Variants in MOK observed in about 807,000 individuals in gnomAD.
The protein encoded by MOK is MOK protein kinase.
Under a neutral mutation model 54.2 loss-of-function variants are expected in MOK, and 59 were observed. The ratio of observed to expected loss-of-function variants is 1.09; its 90% CI spans 0.88 to 1.35. The LOEUF is 1.35. Ranked by LOEUF, MOK falls within the 40% of genes most tolerant of loss-of-function variation. The probability of loss-of-function intolerance (pLI) is 0.00; values close to 1 mark genes in which losing one functional copy is unlikely to be tolerated. For synonymous variants in MOK, 210 were observed against 202.7 expected, an observed-to-expected ratio of 1.04 and a Z score of -0.31; for missense variants, 517 against 526.2, an observed-to-expected ratio of 0.98 and a Z score of 0.17.
At chr14:102,216,312 G>A in the MOK span, among the ~76,000 whole-genome samples, 5 of 152,186 alleles carry the variant, frequency 3.3e-5, no homozygotes, top group African/African-American at 7.2e-5. Flanking sequence ...TGAACAGGGC[G>A]TTTTGGTTTG....
chr14:102,295,605 G>A (rs1199135450), intron 1 of MOK, among the ~76,000 whole-genome samples: 1 of 152,264 alleles, frequency 6.6e-6, no homozygotes, highest in South Asian at 2.1e-4. Flanking sequence ...CATTCTCTTC[G>A]AGAGATTAAA....
At chr14:102,262,566 T>C (rs2067569817) in intron 4 of MOK, among the ~76,000 whole-genome samples, 1 of 152,264 alleles carries the variant, frequency 6.6e-6, no homozygotes, top group South Asian at 2.1e-4. Context: ...AAAATAAATA[T>C]TGATATAATG....
At chr14:102,283,345 CCTCA>C (rs1373660049) in intron 2 of MOK, 129 bp downstream of exon 2, 3 of 589,676 alleles carry the variant, frequency 5.1e-6, no homozygotes, top group Non-Finnish European at 8.9e-6. Context: ...AGCATATAAC[CCTCA>C]CTGCCCAAAG....
At chr14:102,285,654 G>A (rs1325986940) in intron 1 of MOK, among the ~76,000 whole-genome samples, 1 of 152,168 alleles carries the variant, frequency 6.6e-6, no homozygotes, top group Non-Finnish European at 1.5e-5. Flanking sequence ...CACTTTGGGA[G>A]ACCCAGGTCG....
chr14:102,289,184 C>T (rs1478457312), intron 1 of MOK, among the ~76,000 whole-genome samples: 1 of 151,902 alleles, frequency 6.6e-6, no homozygotes, highest in Non-Finnish European at 1.5e-5. Flanking sequence ...GGATTACAGG[C>T]ACGAGCCACT....
chr14:102,273,159 A>G (rs1309005143), intron 2 of MOK, among the ~76,000 whole-genome samples: 3 of 151,806 alleles, frequency 2.0e-5, no homozygotes, highest in African/African-American at 7.3e-5. Context: ...AACAGAGCAA[A>G]ACTCCGTCTC....
intron 2 of MOK, among the ~76,000 whole-genome samples, chr14:102,278,186 G>A (rs2069064146): frequency 6.6e-6 from 1 of 152,194 alleles, no homozygotes; most frequent in Non-Finnish European, 1.5e-5. Flanking sequence ...CTCCAGAACT[G>A]TAAGAAATAA....
chr14:102,244,797 G>A (rs918164901), intron 7 of MOK, among the ~76,000 whole-genome samples: 5 of 152,100 alleles, frequency 3.3e-5, no homozygotes, highest in African/African-American at 1.2e-4. Flanking sequence ...ATAACGGACT[G>A]GCCTTTATTA....
chr14:102,293,760 A>G (rs925422399), intron 1 of MOK, among the ~76,000 whole-genome samples: 3 of 151,638 alleles, frequency 2.0e-5, no homozygotes, highest in African/African-American at 2.4e-5. Flanking sequence ...AAGACTGAAT[A>G]TAAATATGTA....
rs2064864562 is a variant in MOK, at chr14:102,232,898, T to C, written c.693-190A>G. 6.0e-6 allele frequency: 3 copies of C among 496,802 alleles called. No homozygotes were observed. The South Asian group carries it at 1.1e-4, about 18-fold the overall frequency. 30.8% of individuals were successfully genotyped at this position (496,802 alleles called of 1,614,324 possible). A position where few individuals can be genotyped will look rare whatever the true frequency, so the allele number is the denominator to read the frequency against. On this transcript the variant is annotated intron_variant, in intron 8 of 11. Coordinates refer to ENST00000361847, the MANE Select transcript of MOK (RefSeq NM_014226.3). The surrounding 1 kb of genome is among the most constrained non-coding windows in gnomAD (Gnocchi z 5.1). ...GTAAATGATGGGCTCTGTGTAGTAA[T>C]GAGATATCCACGGTTCATCGACCAT... is the stretch of plus-strand genomic sequence containing the variant.
At position 102,240,160 on chromosome 14, in the gene MOK, T is replaced by G. The variant is rs2065594125; in HGVS notation, c.591-6371A>C. ...CCGCCAGAGAACAACCCCCTTTGAC[T>G]GTAATTTTCCACTACCTACCCAAAT... On this transcript the variant is annotated intron_variant, in intron 7 of 11. Transcript: ENST00000361847. The surrounding 1 kb of genome is among the most constrained non-coding windows in gnomAD (Gnocchi z 5.4). Among the ~76,000 whole-genome samples, 1 of 152,188 alleles carries G rather than the reference T, an allele frequency of 6.6e-6. No individual in the cohort carries two copies. The highest frequency in any genetic ancestry group is 6.5e-5 in the Admixed American group (1 of 15,276).
chr14:102,291,774 T>C (rs1266234814), intron 1 of MOK, among the ~76,000 whole-genome samples: 1 of 151,882 alleles, frequency 6.6e-6, no homozygotes, highest in African/African-American at 2.4e-5. Context: ...CTGGCCAACA[T>C]GGTGAAACCC....
rs561141666 is a variant in MOK, at chr14:102,252,197, G to A, written c.284-202C>T. 3.3e-4 allele frequency among the ~76,000 whole-genome samples: 50 copies of A among 152,246 alleles called. No individual in the cohort carries two copies. In the South Asian group the frequency reaches 9.7e-3, roughly 30 times the overall value. On this transcript the variant is annotated intron_variant, in intron 4 of 11. Transcript: ENST00000361847. ...TTCCATATACTGGCCAGGGGCGGTG[G>A]CTCACACCTGTAATCCCAGCACTTT... is the stretch of plus-strand genomic sequence containing the variant.
intron 7 of MOK, 81 bp downstream of exon 7, chr14:102,250,731 G>A: frequency 7.5e-7 from 1 of 1,336,102 alleles, no homozygotes; most frequent in Non-Finnish European, 1.0e-6. Flanking sequence ...CATGACATCT[G>A]GATTGTAAAG....
At chr14:102,255,551 T>G (rs1463291947) in intron 4 of MOK, among the ~76,000 whole-genome samples, 1 of 151,968 alleles carries the variant, frequency 6.6e-6, no homozygotes, top group Non-Finnish European at 1.5e-5. Flanking sequence ...GGGCCAGTAG[T>G]TGGGGGTGTT....
intron 4 of MOK, among the ~76,000 whole-genome samples, chr14:102,262,120 C>T (rs1327270490): frequency 6.6e-6 from 1 of 151,528 alleles, no homozygotes; most frequent in African/African-American, 2.4e-5. Context: ...AGATTACAGG[C>T]GTGAGCCACC....
downstream of MOK, among the ~76,000 whole-genome samples, chr14:102,220,235 G>A (rs1009905122): frequency 6.6e-6 from 1 of 152,168 alleles, no homozygotes; most frequent in Non-Finnish European, 1.5e-5. This position sits in a 1 kb window ranked among gnomAD's most constrained non-coding sequence, Gnocchi z 4.2. Flanking sequence ...TCAGTGAGAG[G>A]AAGTCTAAGG....
intron 2 of MOK, among the ~76,000 whole-genome samples, chr14:102,279,068 G>A (rs975999619): frequency 6.6e-6 from 1 of 152,198 alleles, no homozygotes; most frequent in Admixed American, 6.5e-5. Context: ...AAGATTGCAT[G>A]AACTAAAATG....
chr14:102,271,365 A>G (rs1351306526), intron 2 of MOK, among the ~76,000 whole-genome samples: 1 of 152,110 alleles, frequency 6.6e-6, no homozygotes, highest in African/African-American at 2.4e-5. Flanking sequence ...ACTACGAATG[A>G]TGTTATAATA....
Sources: gnomAD v4.1 joint callset for allele counts (sites outside exome capture counted in the v4.1 genomes callset) on GRCh38, gnomAD v4.1.1 for gene constraint, Gnocchi (gnomAD v3.1) non-coding constraint, MANE v1.5 for transcripts, NCBI Gene and HGNC (gene_info 2026-07-23, HGNC 2026-07-21) for gene names.